Variants in PLAG1 observed in about 807,000 individuals in gnomAD.
The protein encoded by PLAG1 is PLAG1 zinc finger, also known as zinc finger protein PLAG1.
In PLAG1, 7 loss-of-function variants were observed where a neutral mutation model predicts 35.5. The observed-to-expected ratio is 0.20, with a 90% CI of 0.11 to 0.37. The LOEUF is 0.37. PLAG1 is among the 10% of genes least tolerant of loss of function. The pLI is 1.00. For missense variants in PLAG1, 454 were observed against 602.8 expected (o/e 0.75, Z 2.58); for synonymous variants, 229 against 225.4 (o/e 1.02, Z -0.14).
At chr8:56,189,270 C>A (rs191859638) in intron 1 of PLAG1, among the ~76,000 whole-genome samples, 1 of 152,184 alleles carries the variant, frequency 6.6e-6, no homozygotes, top group African/African-American at 2.4e-5. Flanking sequence ...TTTGAAAATT[C>A]TCTTGGATTT....
chr8:56,170,187 C>T (rs1293994092), intron 3 of PLAG1, among the ~76,000 whole-genome samples: 1 of 152,206 alleles, frequency 6.6e-6, no homozygotes, highest in Non-Finnish European at 1.5e-5. Context: ...AGGTGTCTTT[C>T]TTTATTAGGT....
At chr8:56,201,333 TCAGA>T (rs1156994709) in intron 1 of PLAG1, among the ~76,000 whole-genome samples, 1 of 152,184 alleles carries the variant, frequency 6.6e-6, no homozygotes, top group Non-Finnish European at 1.5e-5. Flanking sequence ...TATTCTGAAA[TCAGA>T]CAGCTTTGCA....
At chr8:56,210,452 A>G (rs1430079316) in intron 1 of PLAG1, among the ~76,000 whole-genome samples, 2 of 146,432 alleles carry the variant, frequency 1.4e-5, no homozygotes, top group Non-Finnish European at 3.0e-5. Flanking sequence ...CTCCCTGCAG[A>G]CCCCGCACCC....
intron 1 of PLAG1, among the ~76,000 whole-genome samples, chr8:56,204,411 T>A (rs1812642839): frequency 6.6e-6 from 1 of 151,884 alleles, no homozygotes; most frequent in Non-Finnish European, 1.5e-5. Flanking sequence ...GTTTCCAGGT[T>A]TAATTTCTTA....
intron 3 of PLAG1, among the ~76,000 whole-genome samples, chr8:56,170,064 G>A (rs781454055): frequency 6.6e-6 from 1 of 152,134 alleles, no homozygotes; most frequent in Non-Finnish European, 1.5e-5. Flanking sequence ...GTTACAATAG[G>A]TCTAACTTTA....
intron 2 of PLAG1, among the ~76,000 whole-genome samples, chr8:56,177,324 T>C (rs1292857444): frequency 1.3e-5 from 2 of 152,194 alleles, no homozygotes; most frequent in Non-Finnish European, 2.9e-5. Flanking sequence ...GAAACAACTA[T>C]TTCTATTTAT....
intron 2 of PLAG1, among the ~76,000 whole-genome samples, chr8:56,175,399 C>T (rs1357257847): frequency 6.6e-6 from 1 of 152,188 alleles, no homozygotes; most frequent in Non-Finnish European, 1.5e-5. Context: ...CAGAAAGGAG[C>T]TGGAGCAACT....
Position 56,182,686 on chromosome 8 carries a change from G to A in PLAG1, c.-321-3173C>T, listed in dbSNP as rs111708768. ...GTGATAAGCAAATGATATTCAACAA[G>A]AGGATGTTTTCTTTCTAGGAGCTTC... On this transcript the variant is annotated intron_variant, in intron 1 of 4. Transcript: ENST00000316981. Among the ~76,000 whole-genome samples, 184 of 152,298 alleles carry A rather than the reference G, an allele frequency of 1.2e-3. 1 individual carries two copies. Among genetic ancestry groups the A allele is most frequent in the African/African-American group, 4.1e-3 (171 of 41,556 alleles).
At chr8:56,175,382 AG>A (rs1811654608) in intron 2 of PLAG1, among the ~76,000 whole-genome samples, 1 of 152,214 alleles carries the variant, frequency 6.6e-6, no homozygotes. Flanking sequence ...GTCCCTACAG[AG>A]GGGAACAGAA....
At chr8:56,199,436 A>T (rs1355836959) in intron 1 of PLAG1, among the ~76,000 whole-genome samples, 1 of 151,852 alleles carries the variant, frequency 6.6e-6, no homozygotes, top group Non-Finnish European at 1.5e-5. Flanking sequence ...GAAACAGCAC[A>T]TGGACCACTC....
At position 56,167,219 on chromosome 8, in the gene PLAG1, G is replaced by C. The variant is rs752565227; in HGVS notation, c.527C>G (p.Ser176Trp). 1 of 1,613,904 alleles carries C rather than the reference G, an allele frequency of 6.2e-7. No homozygotes were observed. Among genetic ancestry groups the C allele is most frequent in the Non-Finnish European group, 8.5e-7 (1 of 1,179,996 alleles). Residue 176 changes from serine to tryptophan, a missense_variant, in exon 5 of 5, where the codon TCG (serine) becomes TGG (tryptophan). By Grantham distance (177) the Ser-to-Trp change is radical. Transcript: ENST00000316981. This position sits in a 1 kb window ranked among gnomAD's most constrained non-coding sequence, Gnocchi z 5.9. ...CTTTTTTTCTTTAACCCCACCAGACGACTTGCCTGCATGAGATTTAAGGTG... is the reference window on the plus strand; with the variant it reads ...CTTTTTTTCTTTAACCCCACCAGACCACTTGCCTGCATGAGATTTAAGGTG... ...LEHLKSHAGK[S>W]SGGVKEKKHQ...
intron 1 of PLAG1, among the ~76,000 whole-genome samples, chr8:56,185,044 T>C (rs1397336773): frequency 6.6e-6 from 1 of 152,202 alleles, no homozygotes; most frequent in Non-Finnish European, 1.5e-5. Flanking sequence ...AAGCTATTGA[T>C]ACATACAGTA....
intron 1 of PLAG1, among the ~76,000 whole-genome samples, chr8:56,205,880 A>AT (rs937831066): frequency 1.3e-5 from 2 of 151,888 alleles, no homozygotes; most frequent in Non-Finnish European, 2.9e-5. Context: ...ATGCACACAC[A>AT]TTTTTTAGGT....
Position 56,211,220 on chromosome 8 carries a change from G to T in PLAG1, c.-421C>A, listed in dbSNP as rs1447551312. On this transcript the variant is annotated 5_prime_UTR_variant, in exon 1 of 5. Coordinates refer to ENST00000316981, the MANE Select transcript of PLAG1 (RefSeq NM_002655.3). The stretch of plus-strand genomic sequence containing the variant: ...TCTCATATTTCGGGCTGGACGCGGC[G>T]GGCCTGGAAATTGTTTCCTTACGCC... 1.3e-5 allele frequency: 2 copies of T among 153,324 alleles called. No individual in the cohort carries two copies. The highest frequency in any genetic ancestry group is 3.5e-4 in the South Asian group (2 of 5,766). 9.5% of individuals were successfully genotyped at this position (153,324 alleles called of 1,614,324 possible).
intron 2 of PLAG1, among the ~76,000 whole-genome samples, chr8:56,174,311 A>G (rs957341545): frequency 3.3e-5 from 5 of 152,216 alleles, no homozygotes; most frequent in Non-Finnish European, 5.9e-5. Context: ...GAAAGAATCT[A>G]TTACTAAGAT....
rs982323354 is a variant in PLAG1 at position 56,205,346 on chromosome 8, A to T, written c.-322+5775T>A. On this transcript the variant is annotated intron_variant, in intron 1 of 4. Coordinates refer to ENST00000316981, the MANE Select transcript of PLAG1 (RefSeq NM_002655.3). ...TAGCAAAAAGTAATTTTTCTTATTT[A>T]AAAAAAATTCTGAATAACCATTACA... is the stretch of plus-strand genomic sequence containing the variant. Among the ~76,000 whole-genome samples, 27 of 151,818 alleles carry T rather than the reference A, an allele frequency of 1.8e-4. 1 individual carries two copies. Among genetic ancestry groups the T allele is most frequent in the Non-Finnish European group, 3.8e-4 (26 of 67,766 alleles).
At chr8:56,181,897 T>A (rs1811875526) in intron 1 of PLAG1, among the ~76,000 whole-genome samples, 1 of 152,208 alleles carries the variant, frequency 6.6e-6, no homozygotes. Flanking sequence ...TGGTGATTTT[T>A]GCCTTAAAAA....
intron 2 of PLAG1, among the ~76,000 whole-genome samples, chr8:56,176,786 T>G (rs931645581): frequency 6.6e-6 from 1 of 152,142 alleles, no homozygotes; most frequent in Non-Finnish European, 1.5e-5. Flanking sequence ...GGTAAGTTAT[T>G]GATCTTATTA....
At chr8:56,179,978 G>A (rs1450987034) in intron 1 of PLAG1, among the ~76,000 whole-genome samples, 1 of 152,050 alleles carries the variant, frequency 6.6e-6, no homozygotes, top group Non-Finnish European at 1.5e-5. Flanking sequence ...GCAAGCCACT[G>A]AGCACCCTCA....
Sources: allele counts gnomAD v4.1 joint callset (sites outside exome capture counted in the v4.1 genomes callset), GRCh38; gene constraint gnomAD v4.1.1; non-coding constraint Gnocchi (gnomAD v3.1); transcripts MANE v1.5; gene names NCBI Gene and HGNC (gene_info 2026-07-23, HGNC 2026-07-21).